Variants in RSPRY1 observed in about 807,000 individuals in gnomAD.
The protein encoded by RSPRY1 is RING finger and SPRY domain-containing protein 1.
In RSPRY1, 23 loss-of-function variants were observed where a neutral mutation model predicts 73.1. The ratio of observed to expected loss-of-function variants is 0.31; its 90% CI spans 0.23 to 0.45. RSPRY1 has a LOEUF of 0.45. Ranked by LOEUF, RSPRY1 falls within the 20% of genes least tolerant of loss-of-function variation. The pLI is 1.00. For synonymous variants in RSPRY1, 226 were observed against 251.4 expected, an observed-to-expected ratio of 0.90 and a Z score of 0.95; for missense variants, 448 against 698.7, an observed-to-expected ratio of 0.64 and a Z score of 4.05.
chr16:57,238,120 C>T (rs2075327855), intron 14 of RSPRY1, among the ~76,000 whole-genome samples: 1 of 151,996 alleles, frequency 6.6e-6, no homozygotes, highest in Non-Finnish European at 1.5e-5. Flanking sequence ...TCTAAGAATA[C>T]ATAGCAAGAA....
chr16:57,225,632 G>A (rs1260962898), intron 10 of RSPRY1, among the ~76,000 whole-genome samples: 8 of 152,130 alleles, frequency 5.3e-5, no homozygotes, highest in African/African-American at 1.9e-4. Context: ...TCTTTCTCTA[G>A]TAAAACTTTT....
intron 7 of RSPRY1, among the ~76,000 whole-genome samples, 176 bp from the exon 8 acceptor site, chr16:57,216,728 A>AT (rs1305332867): frequency 1.3e-5 from 2 of 152,200 alleles, no homozygotes; most frequent in African/African-American, 2.4e-5. Context: ...ACTAAAAAAA[A>AT]GGAAAACAAA....
intron 1 of RSPRY1, among the ~76,000 whole-genome samples, chr16:57,188,421 G>A (rs2074290000): frequency 6.6e-6 from 1 of 152,188 alleles, no homozygotes. Flanking sequence ...TTTTACTAGT[G>A]TTTGGTTCGT....
intron 5 of RSPRY1, 133 bp downstream of exon 5, chr16:57,213,231 T>G (rs2074878004): frequency 1.2e-6 from 1 of 811,638 alleles, no homozygotes; most frequent in South Asian, 3.1e-5. Flanking sequence ...AGACATAGAC[T>G]AACTGGAAGA....
chr16:57,236,129 G>A (rs772578727), intron 14 of RSPRY1, among the ~76,000 whole-genome samples: 2 of 152,290 alleles, frequency 1.3e-5, no homozygotes, highest in South Asian at 2.1e-4. Flanking sequence ...ATATTTGGAG[G>A]GTTTAGTTAT....
intron 1 of RSPRY1, among the ~76,000 whole-genome samples, chr16:57,193,491 C>G (rs1242838888): frequency 7.0e-6 from 1 of 142,286 alleles, no homozygotes; most frequent in African/African-American, 2.6e-5. Context: ...GTTCTGCAGG[C>G]TTTTTTTTTT....
At chr16:57,234,855 G>A (rs1370368004) in intron 13 of RSPRY1, among the ~76,000 whole-genome samples, 1 of 152,182 alleles carries the variant, frequency 6.6e-6, no homozygotes, top group African/African-American at 2.4e-5. Context: ...TAGAACTAAA[G>A]GATTTTAATT....
intron 4 of RSPRY1, among the ~76,000 whole-genome samples, chr16:57,209,433 G>A (rs945396360): frequency 6.6e-6 from 1 of 151,404 alleles, no homozygotes; most frequent in African/African-American, 2.4e-5. Flanking sequence ...ATGTGATCTT[G>A]GCTCACTGCA....
At chr16:57,188,109 G>A (rs1486853528) in intron 1 of RSPRY1, among the ~76,000 whole-genome samples, 1 of 152,198 alleles carries the variant, frequency 6.6e-6, no homozygotes, top group Non-Finnish European at 1.5e-5. Flanking sequence ...CGTTGTTGTG[G>A]TAGCCCTAGA....
intron 1 of RSPRY1, among the ~76,000 whole-genome samples, chr16:57,198,365 CAG>C (rs1372162003): frequency 6.8e-6 from 1 of 146,744 alleles, no homozygotes; most frequent in African/African-American, 2.5e-5. Flanking sequence ...GCCTGGGCGA[CAG>C]AGCAAGACTC....
In RSPRY1 at chr16:57,207,394, T is replaced by C. The variant is rs779175516; in HGVS notation, c.351-664T>C. On this transcript the variant is annotated intron_variant, in intron 2 of 14. Transcript: ENST00000394420. ...AATAAGTGGTGAGTTCTTAAGCAGT[T>C]AGAATTGTTTAATGGAAAACATCTC... Among the ~76,000 whole-genome samples the C allele has an allele frequency of 4.6e-5, 7 of 152,276 alleles. No individual in the cohort carries two copies. The Middle Eastern group carries it at 0.01, about 222-fold the overall frequency.
intron 7 of RSPRY1, chr16:57,216,478 G>A (rs2074942284): frequency 2.7e-6 from 1 of 363,750 alleles, no homozygotes; most frequent in African/African-American, 2.1e-5. Context: ...AGCACTTTGG[G>A]AAGCTAAGGC....
intron 8 of RSPRY1, among the ~76,000 whole-genome samples, chr16:57,219,279 A>G (rs1428973324): frequency 7.9e-5 from 12 of 152,226 alleles, no homozygotes; most frequent in Non-Finnish European, 5.9e-5. Flanking sequence ...TCCTACTACC[A>G]GTGTACAAGG....
intron 1 of RSPRY1, among the ~76,000 whole-genome samples, chr16:57,202,884 ATATATAT>A (rs1288832722): frequency 4.5e-5 from 2 of 44,146 alleles, no homozygotes; most frequent in Non-Finnish European, 9.4e-5. Context: ...ATGATTATAT[ATATATAT>A]ATATATATAT....
chr16:57,212,492 G>A (rs1349207066), intron 4 of RSPRY1, among the ~76,000 whole-genome samples: 1 of 152,122 alleles, frequency 6.6e-6, no homozygotes, highest in Non-Finnish European at 1.5e-5. Context: ...TGAATGAAGT[G>A]GAATCTAGTA....
intron 13 of RSPRY1, 74 bp downstream of exon 13, chr16:57,231,393 G>A (rs1221112304): frequency 1.8e-5 from 25 of 1,398,580 alleles, no homozygotes; most frequent in Middle Eastern, 1.8e-4. Context: ...TATAATCAAC[G>A]TTAAAAGAAT....
chr16:57,193,491 CT>C (rs111290864), intron 1 of RSPRY1, among the ~76,000 whole-genome samples: 40,313 of 142,090 alleles, frequency 0.28, 5,752 homozygotes, highest in South Asian at 0.47. Flanking sequence ...GTTCTGCAGG[CT>C]TTTTTTTTTT....
At chr16:57,195,514 A>C (rs911361444) in intron 1 of RSPRY1, among the ~76,000 whole-genome samples, 4 of 152,200 alleles carry the variant, frequency 2.6e-5, no homozygotes, top group African/African-American at 9.7e-5. Flanking sequence ...CTCCGTCTGA[A>C]AAAATAAAAA....
Position 57,190,651 on chromosome 16 carries a change from G to A in RSPRY1, c.-156+4200G>A, listed in dbSNP as rs117250566. Among the ~76,000 whole-genome samples, 1,458 of 152,310 alleles carry A rather than the reference G, an allele frequency of 9.6e-3. 12 individuals carry two copies. The highest frequency in any genetic ancestry group is 0.017 in the Non-Finnish European group (1,129 of 68,024). On this transcript the variant is annotated intron_variant, in intron 1 of 14. Coordinates refer to ENST00000394420, the MANE Select transcript of RSPRY1 (RefSeq NM_133368.3). ...GAATAATCACGAAGTAGTAAATGCCGTAACTTGGGCAACAGCCTTTTGGAG... is the reference window on the plus strand; with the variant it reads ...GAATAATCACGAAGTAGTAAATGCCATAACTTGGGCAACAGCCTTTTGGAG...
Sources: gnomAD v4.1 joint callset for allele counts (sites outside exome capture counted in the v4.1 genomes callset) on GRCh38, gnomAD v4.1.1 for gene constraint, MANE v1.5 for transcripts, NCBI Gene and HGNC (gene_info 2026-07-23, HGNC 2026-07-21) for gene names.